The following LMO3 variants were observed in gnomAD, a reference collection of about 807,000 sequenced individuals.
LMO3 encodes LIM domain only 3, also known as LIM domain only protein 3.
Under a neutral mutation model 15.8 loss-of-function variants are expected in LMO3, and 2 were observed. That is an observed-to-expected ratio of 0.13 (90% CI 0.05 to 0.40). LMO3 has a LOEUF of 0.40. Ranked by LOEUF, LMO3 falls within the 10% of genes least tolerant of loss-of-function variation. LMO3 has a pLI of 0.99. For missense variants in LMO3, 86 were observed against 182.2 expected (o/e 0.47, Z 3.04); for synonymous variants, 62 against 63.8 (o/e 0.97, Z 0.13).
At position 16,550,482 on chromosome 12, in the gene LMO3, C is replaced by T. The variant is rs971891183; in HGVS notation, c.*740G>A. ...GGATATTAAAAGGAAACCTGTTAAG[C>T]TTTAAAGTTATTCTAAAAATGGCAC... On this transcript the variant is annotated 3_prime_UTR_variant, in exon 4 of 4. Coordinates refer to ENST00000537304, the MANE Select transcript of LMO3 (RefSeq NM_018640.5). 1 of 152,304 alleles carries T rather than the reference C, an allele frequency of 6.6e-6. No individual in the cohort carries two copies. The highest frequency in any genetic ancestry group is 2.4e-5 in the African/African-American group (1 of 41,388). The allele number at this position is 152,304 out of a possible 1,614,324, so 9.4% of individuals were successfully genotyped here.
intron 1 of LMO3, chr12:16,605,030 G>GA (rs1221223190): frequency 1.9e-6 from 3 of 1,554,362 alleles, no homozygotes; most frequent in Non-Finnish European, 1.7e-6. Context: ...CGACTATTGT[G>GA]AAGCCACTTT....
At chr12:16,605,693 C>T (rs1943971176) in intron 1 of LMO3, 1 of 1,363,162 alleles carries the variant, frequency 7.3e-7, no homozygotes, top group South Asian at 1.2e-5. Flanking sequence ...CCCTGCCCCT[C>T]TCTCCCCGGG....
intron 3 of LMO3, among the ~76,000 whole-genome samples, chr12:16,553,003 C>A (rs146105176): frequency 1.3e-5 from 2 of 152,032 alleles, no homozygotes; most frequent in Non-Finnish European, 2.9e-5. Context: ...TGACATCAGT[C>A]GACTTTGTAG....
In LMO3 at chr12:16,549,276, T is replaced by A. The variant is rs1941901112; in HGVS notation, c.*1946A>T. On this transcript the variant is annotated 3_prime_UTR_variant, in exon 4 of 4. Coordinates refer to ENST00000537304, the MANE Select transcript of LMO3 (RefSeq NM_018640.5). Reference sequence around the variant, plus strand: ...GGCTCTAAGGCTAAAATAATAGTTATTTTTGTGGGCCCCAAATAGCTACTT... The same window carrying A: ...GGCTCTAAGGCTAAAATAATAGTTAATTTTGTGGGCCCCAAATAGCTACTT... 1 of 152,170 alleles carries A rather than the reference T, an allele frequency of 6.6e-6. No homozygotes were observed. The allele number at this position is 152,170 out of a possible 1,614,324, so 9.4% of individuals were successfully genotyped here.
intron 1 of LMO3, chr12:16,605,564 T>A: frequency 1.6e-6 from 1 of 624,376 alleles, no homozygotes; most frequent in Non-Finnish European, 2.6e-6. Flanking sequence ...TAATATCAAC[T>A]CTTTAAGAAG....
At chr12:16,600,512 G>A (rs1231561332) in intron 2 of LMO3, 143 bp downstream of exon 2, 27 of 663,860 alleles carry the variant, frequency 4.1e-5, no homozygotes, top group Non-Finnish European at 6.3e-5. Context: ...CACACACAGG[G>A]CAACGCTTTG....
intron 2 of LMO3, among the ~76,000 whole-genome samples, chr12:16,592,430 C>T (rs907744202): frequency 6.6e-6 from 1 of 152,004 alleles, no homozygotes; most frequent in Non-Finnish European, 1.5e-5. Context: ...AAATGTTCCT[C>T]AGTGGATATT....
At chr12:16,590,094 G>C (rs1288330885) in intron 2 of LMO3, among the ~76,000 whole-genome samples, 3 of 152,034 alleles carry the variant, frequency 2.0e-5, no homozygotes, top group African/African-American at 7.2e-5. Context: ...ATGCAAGCTC[G>C]AGAACTTTGA....
intron 2 of LMO3, among the ~76,000 whole-genome samples, chr12:16,592,854 AAG>A (rs1314837337): frequency 6.6e-6 from 1 of 151,896 alleles, no homozygotes; most frequent in African/African-American, 2.4e-5. Flanking sequence ...TAAAAACAAA[AAG>A]AATAAAATAA....
chr12:16,599,485 C>T lies in LMO3; in HGVS notation c.206+1170G>A, dbSNP rs555930430. ...TAGCTGAATTATATACTAAGAACGA[C>T]CAAATTCCCTAGAAAACACCTCATC... On this transcript the variant is annotated intron_variant, in intron 2 of 3. Transcript: ENST00000537304. This position sits in a 1 kb window ranked among gnomAD's most constrained non-coding sequence, Gnocchi z 4.1. The T allele has an allele frequency of 2.0e-5, 3 of 152,012 alleles. No individual in the cohort carries two copies. The highest frequency in any genetic ancestry group is 6.6e-5 in the Admixed American group (1 of 15,244). 9.4% of individuals were successfully genotyped at this position (152,012 alleles called of 1,614,324 possible). A position where few individuals can be genotyped will look rare whatever the true frequency, so the allele number is the denominator to read the frequency against.
rs1013455589 is a variant in LMO3 at position 16,597,200 on chromosome 12, A to C, written c.206+3455T>G. Among the ~76,000 whole-genome samples the C allele has an allele frequency of 5.3e-5, 8 of 151,846 alleles. No homozygotes were observed. Among genetic ancestry groups the C allele is most frequent in the Admixed American group, 4.6e-4 (7 of 15,224 alleles). On this transcript the variant is annotated intron_variant, in intron 2 of 3. Transcript: ENST00000537304. The surrounding 1 kb of genome is among the most constrained non-coding windows in gnomAD (Gnocchi z 5.0). ...TGGAAAGTGAAAAATTCCACTGTTA[A>C]GATTTGATACTTAGTGTACAAACTA...
At chr12:16,579,408 G>C (rs1341038877) in intron 2 of LMO3, among the ~76,000 whole-genome samples, 1 of 152,052 alleles carries the variant, frequency 6.6e-6, no homozygotes, top group East Asian at 1.9e-4. Context: ...CAATTTTTTT[G>C]GTAGGATTTA....
At chr12:16,564,732 G>A (rs1591783544) in intron 2 of LMO3, among the ~76,000 whole-genome samples, 1 of 152,270 alleles carries the variant, frequency 6.6e-6, no homozygotes, top group Middle Eastern at 3.4e-3. Flanking sequence ...TTAATTCTGA[G>A]TAAAGATCAG....
At position 16,560,361 on chromosome 12, in the gene LMO3, C is replaced by G; in HGVS notation, c.332+52G>C. ...TAATTTCCACCTATTAAATAAATAG[C>G]CAGCACAGAGAGGTTAACCATTTCT... On this transcript the variant is annotated intron_variant, in intron 3 of 3. Transcript: ENST00000537304. The surrounding 1 kb of genome is among the most constrained non-coding windows in gnomAD (Gnocchi z 5.0). 1.3e-6 allele frequency: 2 copies of G among 1,562,468 alleles called. No homozygotes were observed. Among genetic ancestry groups the G allele is most frequent in the Non-Finnish European group, 1.7e-6 (2 of 1,153,134 alleles).
chr12:16,609,452 C>A (rs1172708105), upstream of LMO3, among the ~76,000 whole-genome samples: 1 of 152,124 alleles, frequency 6.6e-6, no homozygotes, highest in Non-Finnish European at 1.5e-5. Context: ...AATTACAGAT[C>A]CTTTGGAAAT....
chr12:16,592,183 T>C (rs1281147683), intron 2 of LMO3, among the ~76,000 whole-genome samples: 1 of 152,040 alleles, frequency 6.6e-6, no homozygotes, highest in Non-Finnish European at 1.5e-5. Context: ...GTATTGGCAC[T>C]CAAATATTTG....
Position 16,594,074 on chromosome 12 carries a change from G to C in LMO3, c.206+6581C>G. The C allele has an allele frequency of 7.5e-6, 11 of 1,457,918 alleles. No homozygotes were observed. The South Asian group carries it at 1.4e-4, about 18-fold the overall frequency. The allele number at this position is 1,457,918 out of a possible 1,614,324, so 90.3% of individuals were successfully genotyped here. A position where few individuals can be genotyped will look rare whatever the true frequency, so the allele number is the denominator to read the frequency against. On this transcript the variant is annotated intron_variant, in intron 2 of 3. Transcript: ENST00000537304. Reference sequence around the variant, plus strand: ...CCTGTAAGAATAGATGAGTGCTATAGTTTGCAATATTAACGAATTAGCTGG... The same window carrying C: ...CCTGTAAGAATAGATGAGTGCTATACTTTGCAATATTAACGAATTAGCTGG...
chr12:16,552,467 G>A (rs1309284289), intron 3 of LMO3, among the ~76,000 whole-genome samples: 1 of 152,048 alleles, frequency 6.6e-6, no homozygotes, highest in Admixed American at 6.6e-5. Flanking sequence ...ATGAGGAGCA[G>A]TTGGACTGAT....
rs2137279475 is a variant in LMO3, at chr12:16,555,275, TC to T, written c.333-3949del. Among the ~76,000 whole-genome samples the T allele has an allele frequency of 6.6e-6, 1 of 152,322 alleles. No individual in the cohort carries two copies. The highest frequency in any genetic ancestry group is 2.4e-5 in the African/African-American group (1 of 41,586). On this transcript the variant is annotated intron_variant, in intron 3 of 3. Coordinates refer to ENST00000537304, the MANE Select transcript of LMO3 (RefSeq NM_018640.5). This position sits in a 1 kb window ranked among gnomAD's most constrained non-coding sequence, Gnocchi z 5.5. ...ACTTAAATTGTAACAATCCTTGAGT[TC>T]CCATTGCCTCCATCAACATCTTCTG...
Sources: gnomAD v4.1 joint callset for allele counts (sites outside exome capture counted in the v4.1 genomes callset) on GRCh38, gnomAD v4.1.1 for gene constraint, Gnocchi (gnomAD v3.1) non-coding constraint, MANE v1.5 for transcripts, NCBI Gene and HGNC (gene_info 2026-07-23, HGNC 2026-07-21) for gene names.